The following LMNB1 variants were observed in gnomAD, a reference collection of about 807,000 sequenced individuals.
LMNB1 encodes lamin-B1.
Under a neutral mutation model 67.1 loss-of-function variants are expected in LMNB1, and 23 were observed. The ratio of observed to expected loss-of-function variants is 0.34; its 90% confidence interval spans 0.25 to 0.49. The LOEUF (loss-of-function observed/expected upper bound fraction) is 0.49. Ranked by LOEUF, LMNB1 falls within the 20% of genes least tolerant of loss-of-function variation. The pLI, the probability that LMNB1 is intolerant of heterozygous loss-of-function variation, is 0.99. For missense variants in LMNB1, 634 were observed against 746.5 expected, an observed-to-expected ratio of 0.85 and a Z score of 1.76; for synonymous variants, 281 against 282.9, an observed-to-expected ratio of 0.99 and a Z score of 0.07.
At chr5:126,811,476 A>C (rs1326599805) in intron 4 of LMNB1, among the ~76,000 whole-genome samples, 1 of 152,202 alleles carries the variant, frequency 6.6e-6, no homozygotes, top group Admixed American at 6.5e-5. Context: ...CAGTCTTCTT[A>C]TTATCAGTGT....
rs1183886362 is a variant in LMNB1, at chr5:126,832,783, A to G, written c.1701A>G (p.Glu567=). ...AAGCAGCTGGAGTGGTTGTTGAGGA[A>G]GAACTTTTCCACCAGCAGGTATTAC... ...EEEAAGVVVE[E]ELFHQQGTPR... Residue 567 remains glutamate, a synonymous_variant, in exon 10 of 11, where the codon GAA becomes GAG. Coordinates refer to ENST00000261366, the MANE Select transcript of LMNB1 (RefSeq NM_005573.4). 2 of 1,607,054 alleles carry G rather than the reference A, an allele frequency of 1.2e-6. No individual in the cohort carries two copies. The highest frequency in any genetic ancestry group is 1.7e-6 in the Non-Finnish European group (2 of 1,175,328).
chr5:126,779,125 G>C (rs967299715), intron 1 of LMNB1, among the ~76,000 whole-genome samples: 3 of 152,088 alleles, frequency 2.0e-5, no homozygotes, highest in African/African-American at 7.2e-5. Context: ...CTGTATCTGC[G>C]TGAATGTCCC....
In LMNB1 at chr5:126,795,933, C is replaced by CTTTTTTTTTTTTTTTT. The variant is rs70997314; in HGVS notation, c.360-8842_360-8827dup. On this transcript the variant is annotated intron_variant, in intron 1 of 10. Coordinates refer to ENST00000261366, the MANE Select transcript of LMNB1 (RefSeq NM_005573.4). ...GAGCCACTGCGCCTGGCCCAGGATG[C>CTTTTTTTTTTTTTTTT]TTTTTTTTTTTTTTTTGAGACGGAG... Among the ~76,000 whole-genome samples, 82 of 82,084 alleles carry CTTTTTTTTTTTTTTTT rather than the reference C, an allele frequency of 1.0e-3. 7 individuals carry two copies. The highest frequency in any genetic ancestry group is 3.3e-3 in the African/African-American group (74 of 22,162). 53.9% of individuals were successfully genotyped at this position (82,084 alleles called of 152,430 possible). A position where few individuals can be genotyped will look rare whatever the true frequency, so the allele number is the denominator to read the frequency against.
chr5:126,810,407 C>T (rs528093508), intron 4 of LMNB1, 57 bp downstream of exon 4: 3 of 1,273,664 alleles, frequency 2.4e-6, no homozygotes, highest in African/African-American at 2.9e-5. Context: ...TCACAATTCC[C>T]ATGATGAACA....
intron 5 of LMNB1, 143 bp downstream of exon 5, chr5:126,812,041 A>G (rs1022443853): frequency 2.8e-6 from 2 of 721,574 alleles, no homozygotes; most frequent in Non-Finnish European, 4.5e-6. Flanking sequence ...TCTTCACAGT[A>G]CTTTTCTAGA....
intron 10 of LMNB1, among the ~76,000 whole-genome samples, chr5:126,833,446 C>T (rs1014295687): frequency 6.6e-6 from 1 of 152,202 alleles, no homozygotes. Context: ...GTTTCCATGG[C>T]TCCAGATTTT....
At chr5:126,833,600 CA>C (rs1270838881) in intron 10 of LMNB1, among the ~76,000 whole-genome samples, 2 of 152,216 alleles carry the variant, frequency 1.3e-5, no homozygotes, top group African/African-American at 4.8e-5. Flanking sequence ...CCTTCTCATA[CA>C]TTTTGGAGGA....
intron 1 of LMNB1, among the ~76,000 whole-genome samples, chr5:126,786,800 A>G (rs1387002574): frequency 6.6e-6 from 1 of 152,178 alleles, no homozygotes; most frequent in African/African-American, 2.4e-5. Context: ...TGGATTTGTC[A>G]GAAGGGTAGT....
intron 3 of LMNB1, among the ~76,000 whole-genome samples, 155 bp from the exon 4 acceptor site, chr5:126,810,025 C>T (rs970015296): frequency 2.6e-5 from 4 of 151,970 alleles, no homozygotes; most frequent in Non-Finnish European, 4.4e-5. Flanking sequence ...CAACTGAAAA[C>T]TAAGAGGCAA....
intron 3 of LMNB1, among the ~76,000 whole-genome samples, chr5:126,807,889 G>A (rs1751489199): frequency 1.7e-5 from 1 of 58,516 alleles, no homozygotes; most frequent in Non-Finnish European, 4.3e-5. Flanking sequence ...AACTCTTTTT[G>A]GAGACAGAGT....
At chr5:126,784,386 C>T (rs1413847203) in intron 1 of LMNB1, among the ~76,000 whole-genome samples, 9 of 143,952 alleles carry the variant, frequency 6.3e-5, no homozygotes, top group South Asian at 4.5e-4. Flanking sequence ...GGCAGGGTCT[C>T]GCTGTGTCGC....
intron 3 of LMNB1, among the ~76,000 whole-genome samples, chr5:126,809,839 T>C (rs1326909276): frequency 6.6e-6 from 1 of 152,238 alleles, no homozygotes; most frequent in Non-Finnish European, 1.5e-5. Context: ...TAATTTTTGC[T>C]TAGTGTTTAG....
At chr5:126,833,195 T>C (rs1453805006) in intron 10 of LMNB1, among the ~76,000 whole-genome samples, 3 of 152,226 alleles carry the variant, frequency 2.0e-5, no homozygotes, top group Non-Finnish European at 4.4e-5. Context: ...CAAAGTAATA[T>C]TCAACTTCAG....
At position 126,836,657 on chromosome 5, in the gene LMNB1, T is replaced by C; in HGVS notation, c.*393T>C. 2.7e-6 allele frequency: 1 copy of C among 371,606 alleles called. No individual in the cohort carries two copies. Among genetic ancestry groups the C allele is most frequent in the Non-Finnish European group, 4.7e-6 (1 of 210,876 alleles). The allele number at this position is 371,606 out of a possible 1,614,324, so 23.0% of individuals were successfully genotyped here. On this transcript the variant is annotated 3_prime_UTR_variant, in exon 11 of 11. Coordinates refer to ENST00000261366, the MANE Select transcript of LMNB1 (RefSeq NM_005573.4). ...TAGACTAGCAATCTCTTCATTATTC[T>C]CTGCTATATATAAAACGGTGCTGTG...
At chr5:126,811,613 C>G in intron 4 of LMNB1, 160 bp from the exon 5 acceptor site, 1 of 527,454 alleles carries the variant, frequency 1.9e-6, no homozygotes, top group Non-Finnish European at 3.4e-6. Flanking sequence ...CACAGAATTA[C>G]CATCATTCAC....
In LMNB1 at chr5:126,777,195, C is replaced by T. The variant is rs561989552; in HGVS notation, c.-314C>T. The stretch of plus-strand genomic sequence containing the variant: ...GAGCAGGAGACGGCGGCGGCGCGAA[C>T]CCTGCTGGGCCTCCAGTCACCCTCG... On this transcript the variant is annotated 5_prime_UTR_variant, in exon 1 of 11. Transcript: ENST00000261366. The T allele has an allele frequency of 4.9e-4, 129 of 261,398 alleles. 1 individual carries two copies. In the Middle Eastern group the frequency reaches 6.8e-3, roughly 14 times the overall value. The allele number at this position is 261,398 out of a possible 1,614,324, so 16.2% of individuals were successfully genotyped here.
intron 1 of LMNB1, among the ~76,000 whole-genome samples, chr5:126,792,680 G>A (rs35156477): frequency 0.17 from 25,224 of 149,432 alleles, 2,442 homozygotes; most frequent in East Asian, 0.28. Flanking sequence ...AGGTTCAAGC[G>A]TTTCTCCTGC....
chr5:126,808,064 G>T (rs541282126), intron 3 of LMNB1, among the ~76,000 whole-genome samples: 2 of 152,184 alleles, frequency 1.3e-5, no homozygotes, highest in Admixed American at 6.5e-5. Flanking sequence ...TAGAGACAGG[G>T]TTTCACCACA....
chr5:126,787,293 T>G (rs920281306), intron 1 of LMNB1, among the ~76,000 whole-genome samples: 8 of 151,930 alleles, frequency 5.3e-5, no homozygotes, highest in South Asian at 4.2e-4. Flanking sequence ...TTGAAAGACA[T>G]CCCAGGGGAA....
Sources: gnomAD v4.1 joint callset for allele counts (sites outside exome capture counted in the v4.1 genomes callset) on GRCh38, gnomAD v4.1.1 for gene constraint, MANE v1.5 for transcripts, NCBI Gene and HGNC (gene_info 2026-07-23, HGNC 2026-07-21) for gene names.